ADIPOR2: variants seen among roughly 807,000 people sequenced by gnomAD.
ADIPOR2 encodes the protein adiponectin receptor 2.
ADIPOR2 carries 18 observed loss-of-function variants against 40.9 expected under a neutral mutation model. The observed-to-expected ratio is 0.44, with a 90% CI of 0.30 to 0.65. ADIPOR2 has a LOEUF of 0.65. Among genes scored for constraint, ADIPOR2 ranks in the 30% least tolerant of loss-of-function variants. The pLI is 0.09. For missense variants in ADIPOR2, 283 were observed against 479.2 expected, an observed-to-expected ratio of 0.59 and a Z score of 3.82; for synonymous variants, 165 against 166.4, an observed-to-expected ratio of 0.99 and a Z score of 0.06.
In ADIPOR2 at chr12:1,726,713, G is replaced by T. The variant is rs1172958590; in HGVS notation, c.-86-27545G>T. Among the ~76,000 whole-genome samples the T allele has an allele frequency of 3.3e-5, 5 of 151,808 alleles. No individual in the cohort carries two copies. The East Asian group carries it at 9.7e-4, about 29-fold the overall frequency. On this transcript the variant is annotated intron_variant, in intron 1 of 7. Coordinates refer to ENST00000357103, the MANE Select transcript of ADIPOR2 (RefSeq NM_024551.3). ...TATCCACTGTTGTGCCAGTAACTATGCTAGTGTCACTTTTTATGCTAGTAA... is the reference window on the plus strand; with the variant it reads ...TATCCACTGTTGTGCCAGTAACTATTCTAGTGTCACTTTTTATGCTAGTAA...
intron 1 of ADIPOR2, among the ~76,000 whole-genome samples, chr12:1,747,726 A>G (rs1453901834): frequency 6.6e-6 from 1 of 151,898 alleles, no homozygotes; most frequent in Non-Finnish European, 1.5e-5. Flanking sequence ...TTTTATTTGA[A>G]CACTTTGATT....
intron 2 of ADIPOR2, chr12:1,757,290 A>C: frequency 1.6e-6 from 1 of 643,622 alleles, no homozygotes; most frequent in South Asian, 1.7e-5. Context: ...ATGGTGAGGC[A>C]GATACCCTTT....
At chr12:1,715,808 T>G (rs2094686386) in intron 1 of ADIPOR2, among the ~76,000 whole-genome samples, 1 of 152,136 alleles carries the variant, frequency 6.6e-6, no homozygotes, top group Admixed American at 6.5e-5. Context: ...AATGCACCAG[T>G]CAGTGCTCTG....
chr12:1,722,403 C>T (rs2154442192), intron 1 of ADIPOR2, among the ~76,000 whole-genome samples: 1 of 152,204 alleles, frequency 6.6e-6, no homozygotes, highest in South Asian at 2.1e-4. Context: ...AGATTTCATA[C>T]TTGGTGGTAG....
At chr12:1,739,266 T>C (rs1464783960) in intron 1 of ADIPOR2, among the ~76,000 whole-genome samples, 2 of 152,212 alleles carry the variant, frequency 1.3e-5, no homozygotes, top group East Asian at 3.8e-4. Context: ...TAAGAAACAA[T>C]GGGTCAAGGT....
chr12:1,766,096 G>A (rs1244288924), intron 2 of ADIPOR2, among the ~76,000 whole-genome samples: 2 of 152,174 alleles, frequency 1.3e-5, no homozygotes, highest in Non-Finnish European at 2.9e-5. Context: ...TAGTTGGAGA[G>A]ACAGGTAAAT....
chr12:1,736,262 C>G (rs1471190396), intron 1 of ADIPOR2, among the ~76,000 whole-genome samples: 1 of 152,160 alleles, frequency 6.6e-6, no homozygotes, highest in Admixed American at 6.6e-5. Context: ...ATTATTGCCT[C>G]AATTTCAGAG....
chr12:1,746,588 T>C (rs971746025), intron 1 of ADIPOR2, among the ~76,000 whole-genome samples: 1 of 152,132 alleles, frequency 6.6e-6, no homozygotes, highest in Non-Finnish European at 1.5e-5. Context: ...ATTATAAACA[T>C]GTATGTACTG....
intron 2 of ADIPOR2, among the ~76,000 whole-genome samples, chr12:1,770,338 T>C (rs1862471343): frequency 1.3e-5 from 2 of 152,260 alleles, no homozygotes. Flanking sequence ...TTGTGTTTTA[T>C]GTACATATCT....
chr12:1,771,182 C>T (rs1201138021), intron 2 of ADIPOR2, among the ~76,000 whole-genome samples: 2 of 152,160 alleles, frequency 1.3e-5, no homozygotes, highest in African/African-American at 2.4e-5. Flanking sequence ...ACAACAGACA[C>T]AGTGGTGCAT....
chr12:1,754,296 G>C lies in ADIPOR2; in HGVS notation c.-48G>C. On this transcript the variant is annotated 5_prime_UTR_variant, in exon 2 of 8. Coordinates refer to ENST00000357103, the MANE Select transcript of ADIPOR2 (RefSeq NM_024551.3). ...TCCTGAAGGTCCATTCTCCCAAGAA[G>C]AGGGGACAGAAAGACAGATCTATTT... 2.0e-6 allele frequency: 3 copies of C among 1,500,418 alleles called. No homozygotes were observed. Among genetic ancestry groups the C allele is most frequent in the Non-Finnish European group, 2.7e-6 (3 of 1,123,526 alleles). 92.9% of individuals were successfully genotyped at this position (1,500,418 alleles called of 1,614,324 possible). A position where few individuals can be genotyped will look rare whatever the true frequency, so the allele number is the denominator to read the frequency against.
intron 1 of ADIPOR2, among the ~76,000 whole-genome samples, chr12:1,695,011 G>GTTTT (rs199627849): frequency 1.0e-4 from 13 of 128,306 alleles, no homozygotes; most frequent in Non-Finnish European, 1.3e-4. Flanking sequence ...TTGTGTTGCA[G>GTTTT]TTTTTTTTTT....
chr12:1,691,505 C>G (rs2094626906), intron 1 of ADIPOR2, among the ~76,000 whole-genome samples: 1 of 152,242 alleles, frequency 6.6e-6, no homozygotes, highest in Non-Finnish European at 1.5e-5. Context: ...GCCTGCTGCC[C>G]TCTGCTCACC....
intron 1 of ADIPOR2, among the ~76,000 whole-genome samples, chr12:1,712,797 C>T (rs1328305428): frequency 6.6e-6 from 1 of 152,076 alleles, no homozygotes. Flanking sequence ...GTTTTAATGT[C>T]TTAGGGCGAG....
At chr12:1,754,587 A>C in intron 2 of ADIPOR2, 73 bp downstream of exon 2, 1 of 1,438,598 alleles carries the variant, frequency 7.0e-7, no homozygotes, top group Non-Finnish European at 9.3e-7. Context: ...ATATGGGGAA[A>C]AAAAAGTGGG....
intron 3 of ADIPOR2, among the ~76,000 whole-genome samples, chr12:1,774,387 T>G (rs947158769): frequency 6.6e-6 from 1 of 152,216 alleles, no homozygotes; most frequent in Non-Finnish European, 1.5e-5. Flanking sequence ...TAAATATCCC[T>G]TAGCAGTTTG....
intron 1 of ADIPOR2, among the ~76,000 whole-genome samples, chr12:1,727,873 AG>A (rs953185136): frequency 6.6e-6 from 1 of 151,264 alleles, no homozygotes; most frequent in Non-Finnish European, 1.5e-5. Flanking sequence ...AAAAAAAAAA[AG>A]GATACTGGTG....
At chr12:1,720,966 C>T (rs780946430) in intron 1 of ADIPOR2, among the ~76,000 whole-genome samples, 85 of 152,114 alleles carry the variant, frequency 5.6e-4, no homozygotes, top group African/African-American at 1.8e-3. Context: ...AGCCATTGGT[C>T]TCTCACCTAA....
intron 1 of ADIPOR2, among the ~76,000 whole-genome samples, chr12:1,747,474 A>G (rs934315931): frequency 6.6e-6 from 1 of 152,250 alleles, no homozygotes; most frequent in African/African-American, 2.4e-5. Flanking sequence ...TTAAGACAAA[A>G]GGTAAACATT....
Sources: allele counts gnomAD v4.1 joint callset (sites outside exome capture counted in the v4.1 genomes callset), GRCh38; gene constraint gnomAD v4.1.1; transcripts MANE v1.5; gene names NCBI Gene and HGNC (gene_info 2026-07-23, HGNC 2026-07-21).